ADCY8: variants seen among roughly 807,000 people sequenced by gnomAD.
The protein encoded by ADCY8 is adenylate cyclase 8, also known as adenylate cyclase type 8.
Under a neutral mutation model 119.7 loss-of-function variants are expected in ADCY8, and 51 were observed. The ratio of observed to expected loss-of-function variants is 0.43; its 90% CI spans 0.34 to 0.54. The LOEUF (loss-of-function observed/expected upper bound fraction) is 0.54, where lower values mean the gene tolerates loss of function less well. Ranked by LOEUF, ADCY8 falls within the 20% of genes least tolerant of loss-of-function variation. The pLI is 0.03. For missense variants in ADCY8, 1,383 were observed against 1,598.8 expected, an observed-to-expected ratio of 0.87 and a Z score of 2.30; for synonymous variants, 665 against 651.0, an observed-to-expected ratio of 1.02 and a Z score of -0.33.
chr8:131,009,298 G>A (rs1028410220), intron 1 of ADCY8, among the ~76,000 whole-genome samples: 2 of 152,200 alleles, frequency 1.3e-5, no homozygotes, highest in Admixed American at 6.5e-5. Context: ...AGGACTTGGC[G>A]CTCTGAGCCC....
rs150323671 is a variant in ADCY8, at chr8:130,867,840, A to G, written c.2210+6T>C. 274 of 1,593,884 alleles carry G rather than the reference A, an allele frequency of 1.7e-4. No homozygotes were observed. In the African/African-American group the frequency reaches 3.4e-3, roughly 20 times the overall value. On this transcript the variant is annotated splice_donor_region_variant and intron_variant, in intron 9 of 17. Transcript: ENST00000286355. ...TCACCAGATCAATTAGTTCTTTTAC[A>G]TTTACCTTGAAGAAGGAAGCAAACT... is the stretch of plus-strand genomic sequence containing the variant.
At chr8:131,018,547 A>G (rs1281386708) in intron 1 of ADCY8, among the ~76,000 whole-genome samples, 2 of 152,238 alleles carry the variant, frequency 1.3e-5, no homozygotes, top group Non-Finnish European at 2.9e-5. Context: ...AATCAAGATC[A>G]CAGCCATCAT....
rs530206953 is a variant in ADCY8 at position 130,940,262 on chromosome 8, G to A, written c.1354-3062C>T. 2.6e-5 allele frequency among the ~76,000 whole-genome samples: 4 copies of A among 152,250 alleles called. No individual in the cohort carries two copies. In the South Asian group the frequency reaches 8.3e-4, roughly 32 times the overall value. On this transcript the variant is annotated intron_variant, in intron 4 of 17. Transcript: ENST00000286355. ...ATTGTGGGGCTCCATGCTCTCTCTT[G>A]GCAAAACTGCAGGAATTATGGCAAA...
At chr8:131,016,230 T>A (rs1590869) in intron 1 of ADCY8, among the ~76,000 whole-genome samples, 68,399 of 151,902 alleles carry the variant, frequency 0.45, 15,603 homozygotes, top group East Asian at 0.64. Context: ...GAGGTTACAA[T>A]TTTAAATAAG....
At chr8:130,968,564 A>G (rs969661356) in intron 2 of ADCY8, among the ~76,000 whole-genome samples, 2 of 152,172 alleles carry the variant, frequency 1.3e-5, no homozygotes, top group Non-Finnish European at 1.5e-5. Flanking sequence ...TGCTTGATAG[A>G]TGGTGTGGCA....
At chr8:130,792,171 C>G (rs534157146) in intron 15 of ADCY8, among the ~76,000 whole-genome samples, 3 of 152,178 alleles carry the variant, frequency 2.0e-5, no homozygotes, top group Admixed American at 6.5e-5. Context: ...TGATGGGGCT[C>G]TACTCCTGTT....
Position 130,780,369 on chromosome 8 carries a change from A to AAC in ADCY8, c.*20_*21insGT. 7.1e-7 allele frequency: 1 copy of AAC among 1,403,254 alleles called. No homozygotes were observed. The highest frequency in any genetic ancestry group is 9.3e-7 in the Non-Finnish European group (1 of 1,074,050). 86.9% of individuals were successfully genotyped at this position (1,403,254 alleles called of 1,614,324 possible). A position where few individuals can be genotyped will look rare whatever the true frequency, so the allele number is the denominator to read the frequency against. On this transcript the variant is annotated 3_prime_UTR_variant, in exon 18 of 18. Transcript: ENST00000286355. ...TATATATAAAAGAAATACAAAAAAA[A>AAC]AAAACAGAAAGAAAATGCTTTTATG...
intron 5 of ADCY8, among the ~76,000 whole-genome samples, chr8:130,922,360 T>C (rs923980191): frequency 1.3e-5 from 2 of 151,502 alleles, no homozygotes; most frequent in African/African-American, 2.4e-5. Context: ...CCTGCGGCCT[T>C]CCGCAGTGTT....
chr8:130,841,143 G>A (rs915905276), intron 11 of ADCY8, among the ~76,000 whole-genome samples: 2 of 152,136 alleles, frequency 1.3e-5, no homozygotes, highest in African/African-American at 4.8e-5. Context: ...GTAAATCAGC[G>A]ATTAAGTTGG....
chr8:130,905,921 C>T (rs1819769023), intron 6 of ADCY8, among the ~76,000 whole-genome samples: 1 of 152,190 alleles, frequency 6.6e-6, no homozygotes, highest in Non-Finnish European at 1.5e-5. Context: ...ATTAGCTCTG[C>T]TACTCCCTCT....
intron 9 of ADCY8, among the ~76,000 whole-genome samples, chr8:130,850,574 C>T (rs1178588452): frequency 1.3e-5 from 2 of 152,142 alleles, no homozygotes; most frequent in Non-Finnish European, 2.9e-5. Context: ...CATTCATGTT[C>T]TACACTGGCA....
At chr8:130,791,867 C>T (rs1449548035) in intron 15 of ADCY8, among the ~76,000 whole-genome samples, 1 of 152,264 alleles carries the variant, frequency 6.6e-6, no homozygotes, top group Non-Finnish European at 1.5e-5. Context: ...ATCTCACCCT[C>T]TCTGCTAGAT....
chr8:131,039,738 A>G lies in ADCY8; in HGVS notation c.596T>C (p.Leu199Pro), dbSNP rs746562558. The change falls in exon 1 of 18, where the codon CTA (leucine) becomes CCA (proline). Residue 199 changes from leucine (L) to proline (P), a missense_variant. Around this residue, in one of 2 missense-constraint regions of ADCY8, gnomAD observed 455 missense variants for 435.3 expected, o/e 1.05. Coordinates refer to ENST00000286355, the MANE Select transcript of ADCY8 (RefSeq NM_001115.3). The part of the protein sequence containing the change: ...DVLTKLTLLV[L>P]HLSLASAPMD... ...GGGGGCCGAGGCCAGGCTCAAGTGT[A>G]GGACCAAGAGAGTGAGTTTGGTCAG... The G allele has an allele frequency of 9.3e-6, 15 of 1,614,032 alleles. No individual in the cohort carries two copies. The highest frequency in any genetic ancestry group is 5.5e-5 in the South Asian group (5 of 91,086).
intron 10 of ADCY8, among the ~76,000 whole-genome samples, chr8:130,847,848 G>A (rs1277012306): frequency 1.3e-5 from 2 of 152,164 alleles, no homozygotes; most frequent in Non-Finnish European, 2.9e-5. Context: ...CAGGAGAAGA[G>A]GTCTTGGGTA....
At chr8:130,897,381 C>A (rs2130504523) in intron 7 of ADCY8, among the ~76,000 whole-genome samples, 1 of 152,242 alleles carries the variant, frequency 6.6e-6, no homozygotes, top group South Asian at 2.1e-4. Flanking sequence ...CCAGCCCCCA[C>A]TGACTTCACA....
intron 15 of ADCY8, among the ~76,000 whole-genome samples, chr8:130,798,645 A>G (rs1394013830): frequency 6.6e-6 from 1 of 152,180 alleles, no homozygotes; most frequent in Admixed American, 6.5e-5. Flanking sequence ...GGTGATTGCT[A>G]ATGGTGAGAT....
chr8:130,919,253 G>A (rs1820226514), intron 5 of ADCY8, among the ~76,000 whole-genome samples: 2 of 152,158 alleles, frequency 1.3e-5, no homozygotes, highest in Admixed American at 6.5e-5. Flanking sequence ...TGTGGAGAGT[G>A]TGGGGAGTCC....
chr8:130,829,629 C>T (rs916509588), intron 12 of ADCY8, among the ~76,000 whole-genome samples: 1 of 152,100 alleles, frequency 6.6e-6, no homozygotes, highest in African/African-American at 2.4e-5. Context: ...AAGGTAAATA[C>T]TTGTCCTAAA....
chr8:130,795,636 G>C (rs1338853465), intron 15 of ADCY8, among the ~76,000 whole-genome samples: 1 of 152,206 alleles, frequency 6.6e-6, no homozygotes, highest in African/African-American at 2.4e-5. Flanking sequence ...CAGACAGGCA[G>C]ACGGAGCAGA....
Sources: allele counts gnomAD v4.1 joint callset (sites outside exome capture counted in the v4.1 genomes callset), GRCh38; gene constraint gnomAD v4.1.1; regional missense constraint gnomAD v4.1.1; transcripts MANE v1.5; gene names NCBI Gene and HGNC (gene_info 2026-07-23, HGNC 2026-07-21).